BICC1: variants seen among roughly 807,000 people sequenced by gnomAD.
The protein encoded by BICC1 is protein bicaudal C homolog 1.
BICC1 carries 43 observed loss-of-function variants against 111.0 expected under a neutral mutation model. The ratio of observed to expected loss-of-function variants is 0.39; its 90% CI spans 0.30 to 0.50. The LOEUF (loss-of-function observed/expected upper bound fraction) is 0.50. BICC1 is among the 20% of genes least tolerant of loss of function. The pLI is 0.88. For missense variants in BICC1, 1,091 were observed against 1,203.2 expected, an observed-to-expected ratio of 0.91 and a Z score of 1.38; for synonymous variants, 467 against 434.4, an observed-to-expected ratio of 1.07 and a Z score of -0.93.
intron 1 of BICC1, among the ~76,000 whole-genome samples, chr10:58,544,448 C>A: frequency 6.6e-6 from 1 of 152,208 alleles, no homozygotes; most frequent in East Asian, 1.9e-4. Flanking sequence ...CTGTTGGTTA[C>A]ACTGTAATCT....
At chr10:58,807,632 CAA>C (rs1843749737) in intron 17 of BICC1, among the ~76,000 whole-genome samples, 1 of 152,166 alleles carries the variant, frequency 6.6e-6, no homozygotes, top group Non-Finnish European at 1.5e-5. Flanking sequence ...GTATCTGAAA[CAA>C]GTGCTCCAAA....
intron 3 of BICC1, among the ~76,000 whole-genome samples, chr10:58,705,843 C>T (rs1383738146): frequency 2.6e-5 from 4 of 152,032 alleles, no homozygotes; most frequent in Non-Finnish European, 4.4e-5. Flanking sequence ...CAAGGCCTTG[C>T]CCTAGAATTT....
At chr10:58,629,285 CG>C (rs1441618691) in intron 2 of BICC1, among the ~76,000 whole-genome samples, 1 of 149,740 alleles carries the variant, frequency 6.7e-6, no homozygotes, top group African/African-American at 2.5e-5. Flanking sequence ...TTCTTCTAGT[CG>C]GGGATATCGT....
In BICC1 at chr10:58,798,933, G is replaced by C. The variant is rs577877183; in HGVS notation, c.1529-123G>C. On this transcript the variant is annotated intron_variant, in intron 11 of 20. Transcript: ENST00000373886. ...AGTAAATAGTACCTCTGTTTACAGA[G>C]GTGTCAAAATTGAATTCTTTTCTGA... 3.3e-5 allele frequency: 23 copies of C among 704,514 alleles called. No individual in the cohort carries two copies. In the East Asian group the frequency reaches 6.0e-4, roughly 18 times the overall value. The allele number at this position is 704,514 out of a possible 1,614,324, so 43.6% of individuals were successfully genotyped here.
Position 58,784,856 on chromosome 10 carries a change from G to T in BICC1, c.308-145G>T, listed in dbSNP as rs1842967219. The T allele has an allele frequency of 2.4e-5, 9 of 376,196 alleles. No individual in the cohort carries two copies. In the South Asian group the frequency reaches 6.9e-4, roughly 29 times the overall value. The allele number at this position is 376,196 out of a possible 1,614,324, so 23.3% of individuals were successfully genotyped here. On this transcript the variant is annotated intron_variant, in intron 3 of 20. Coordinates refer to ENST00000373886, the MANE Select transcript of BICC1 (RefSeq NM_001080512.3). Reference sequence around the variant, plus strand: ...TGTTGTTGTTACAATAACACACCTAGAATTTTATTATAATAATAATCTCCA... The same window carrying T: ...TGTTGTTGTTACAATAACACACCTATAATTTTATTATAATAATAATCTCCA...
rs558118096 is a variant in BICC1 at position 58,702,866 on chromosome 10, A to C, written c.307+723A>C. Among the ~76,000 whole-genome samples the C allele has an allele frequency of 1.4e-4, 21 of 152,340 alleles. No homozygotes were observed. The East Asian group carries it at 3.1e-3, about 22-fold the overall frequency. On this transcript the variant is annotated intron_variant, in intron 3 of 20. Coordinates refer to ENST00000373886, the MANE Select transcript of BICC1 (RefSeq NM_001080512.3). ...TTGTCAGGATGTAATGACAAATACC[A>C]TCAAACAATTAAAAAATAATTGCAG...
chr10:58,754,998 C>A (rs1842103865), intron 3 of BICC1, among the ~76,000 whole-genome samples: 1 of 152,052 alleles, frequency 6.6e-6, no homozygotes, highest in Admixed American at 6.6e-5. Flanking sequence ...GTATTGCAGT[C>A]CTTGTATTTT....
intron 2 of BICC1, among the ~76,000 whole-genome samples, chr10:58,645,821 C>A (rs1164809209): frequency 6.6e-6 from 1 of 152,190 alleles, no homozygotes; most frequent in African/African-American, 2.4e-5. Context: ...ATAAAGAAAA[C>A]AACTCCATCT....
At chr10:58,608,266 G>T (rs1845298710) in intron 1 of BICC1, among the ~76,000 whole-genome samples, 1 of 152,094 alleles carries the variant, frequency 6.6e-6, no homozygotes, top group Non-Finnish European at 1.5e-5. Flanking sequence ...TGTGTGAAGA[G>T]TGGGACCTCC....
chr10:58,673,818 C>T (rs569185914), intron 2 of BICC1, among the ~76,000 whole-genome samples: 30 of 144,816 alleles, frequency 2.1e-4, no homozygotes, highest in Admixed American at 1.1e-3. Context: ...TTAGTAGAGA[C>T]GAGGTTTCAC....
At chr10:58,563,675 A>G (rs1409912199) in intron 1 of BICC1, among the ~76,000 whole-genome samples, 2 of 152,226 alleles carry the variant, frequency 1.3e-5, no homozygotes, top group Admixed American at 1.3e-4. Context: ...ATTGATGATG[A>G]CATGTTCTTT....
Position 58,796,643 on chromosome 10 carries a change from A to G in BICC1, c.1366+117A>G. 4.1e-6 allele frequency: 4 copies of G among 979,256 alleles called. No individual in the cohort carries two copies. The South Asian group carries it at 5.8e-5, about 14-fold the overall frequency. 60.7% of individuals were successfully genotyped at this position (979,256 alleles called of 1,614,324 possible). A position where few individuals can be genotyped will look rare whatever the true frequency, so the allele number is the denominator to read the frequency against. On this transcript the variant is annotated intron_variant, in intron 10 of 20. Transcript: ENST00000373886. ...GCTATTTTTTTTTCCTTTGGGCTCTAAGATCAGATGAAAAGCCATACAACC... is the reference window on the plus strand; with the variant it reads ...GCTATTTTTTTTTCCTTTGGGCTCTGAGATCAGATGAAAAGCCATACAACC...
chr10:58,745,517 A>C (rs564344382), intron 3 of BICC1, among the ~76,000 whole-genome samples: 1 of 151,972 alleles, frequency 6.6e-6, no homozygotes, highest in African/African-American at 2.4e-5. Flanking sequence ...CACTGGGCTA[A>C]AGTCAACGTG....
At chr10:58,686,385 G>C (rs1006966911) in intron 2 of BICC1, among the ~76,000 whole-genome samples, 1 of 152,108 alleles carries the variant, frequency 6.6e-6, no homozygotes, top group African/African-American at 2.4e-5. Flanking sequence ...GGCATTCTCT[G>C]TATTTCCTGA....
chr10:58,818,654 ATTG>A (rs1457249672), intron 19 of BICC1, among the ~76,000 whole-genome samples: 3 of 152,062 alleles, frequency 2.0e-5, no homozygotes, highest in South Asian at 2.1e-4. Flanking sequence ...TGAAAGGGCA[ATTG>A]TTGTGTGTAT....
In BICC1 at chr10:58,653,128, T is replaced by G. The variant is rs115883992; in HGVS notation, c.237+32227T>G. On this transcript the variant is annotated intron_variant, in intron 2 of 20. Coordinates refer to ENST00000373886, the MANE Select transcript of BICC1 (RefSeq NM_001080512.3). ...AAATAAGAGTGTAGTATTTAAAAGT[T>G]AAGTTACTCTAAAATATGAAGTATA... 3.4e-3 allele frequency among the ~76,000 whole-genome samples: 512 copies of G among 152,256 alleles called. 4 individuals carry two copies. Among genetic ancestry groups the G allele is most frequent in the African/African-American group, 0.012 (478 of 41,550 alleles).
chr10:58,519,793 C>G (rs1354200561), intron 1 of BICC1, among the ~76,000 whole-genome samples: 2 of 152,138 alleles, frequency 1.3e-5, no homozygotes, highest in Non-Finnish European at 2.9e-5. Flanking sequence ...TCTAGGACCA[C>G]TGAGTACTGG....
chr10:58,714,189 A>G (rs1045965514), intron 3 of BICC1, among the ~76,000 whole-genome samples: 6 of 152,236 alleles, frequency 3.9e-5, no homozygotes, highest in African/African-American at 1.2e-4. Context: ...CTGGATTCCC[A>G]TTAGAATCCA....
chr10:58,827,010 G>A (rs1176938535), intron 20 of BICC1, among the ~76,000 whole-genome samples: 1 of 152,184 alleles, frequency 6.6e-6, no homozygotes, highest in Non-Finnish European at 1.5e-5. Flanking sequence ...CTGAAGTCAG[G>A]AAGTAACTTG....
Sources: allele counts gnomAD v4.1 joint callset (sites outside exome capture counted in the v4.1 genomes callset), GRCh38; gene constraint gnomAD v4.1.1; transcripts MANE v1.5; gene names NCBI Gene and HGNC (gene_info 2026-07-23, HGNC 2026-07-21).